The following IQANK1 variants were observed in gnomAD, a reference collection of about 807,000 sequenced individuals.
The protein encoded by IQANK1 is IQ motif and ankyrin repeat domain-containing protein 1.
A neutral mutation model predicts 22.6 loss-of-function variants in IQANK1; 30 were observed. The ratio of observed to expected loss-of-function variants is 1.33; its 90% CI spans 0.99 to 1.80. The LOEUF is 1.80. Ranked by LOEUF, IQANK1 falls within the 40% of genes most tolerant of loss-of-function variation. The pLI is 0.00. For synonymous variants in IQANK1, 122 were observed against 99.6 expected, an observed-to-expected ratio of 1.23 and a Z score of -1.34; for missense variants, 275 against 235.2, an observed-to-expected ratio of 1.17 and a Z score of -1.11.
rs1819994928 is a variant in IQANK1 at position 143,790,035 on chromosome 8, TG to T, written c.1261del (p.Val421Ter). 8.1e-7 allele frequency: 1 copy of T among 1,232,090 alleles called. No homozygotes were observed. The highest frequency in any genetic ancestry group is 1.5e-5 in the African/African-American group (1 of 64,540). The allele number at this position is 1,232,090 out of a possible 1,614,324, so 76.3% of individuals were successfully genotyped here. A position where few individuals can be genotyped will look rare whatever the true frequency, so the allele number is the denominator to read the frequency against. The stretch of plus-strand genomic sequence containing the variant: ...AGCTGCACGATGTGCTGATGAAAGA[TG>T]TAGGCAACCGCATCCGTGCCGATGG... ...TELHDVLMKD[V>X]GNRIRADGRW... is the part of the protein sequence containing the mutation. On this transcript the variant is annotated frameshift_variant, in exon 12 of 14. Coordinates refer to ENST00000527139, the MANE Select transcript of IQANK1 (RefSeq NM_001381874.1). LOFTEE classifies it high-confidence loss of function.
chr8:143,738,809 A>T (rs996215474), intron 2 of IQANK1, among the ~76,000 whole-genome samples: 1 of 152,074 alleles, frequency 6.6e-6, no homozygotes, highest in African/African-American at 2.4e-5. Flanking sequence ...CAGGGCCCAG[A>T]CCCTCCCTGG....
rs71520546 is a variant in IQANK1, at chr8:143,771,254, G to A, written c.176-234G>A. Among the ~76,000 whole-genome samples, 1,843 of 152,260 alleles carry A rather than the reference G, an allele frequency of 0.012. 16 individuals are homozygous for A. The highest frequency in any genetic ancestry group is 0.018 in the Non-Finnish European group (1,238 of 67,992). Reference sequence around the variant, plus strand: ...GGCTCGCAGGATCCCCGGCGGCGTGGGGCGGGGGAGGTTCCCGCAGACCTG... The same window carrying A: ...GGCTCGCAGGATCCCCGGCGGCGTGAGGCGGGGGAGGTTCCCGCAGACCTG... On this transcript the variant is annotated intron_variant, in intron 3 of 13. Transcript: ENST00000527139. The surrounding 1 kb of genome is among the most constrained non-coding windows in gnomAD (Gnocchi z 6.0).
intron 1 of IQANK1, among the ~76,000 whole-genome samples, chr8:143,734,520 C>G (rs1002298632): frequency 6.6e-5 from 10 of 151,508 alleles, no homozygotes; most frequent in Non-Finnish European, 1.3e-4. Flanking sequence ...ACCTGTGCCT[C>G]ATGTACACCA....
intron 2 of IQANK1, 136 bp from the exon 3 acceptor site, chr8:143,739,719 TTCCC>T: frequency 1.7e-6 from 1 of 574,346 alleles, no homozygotes. Context: ...GTCCGTGTGC[TTCCC>T]TCGGGAGGAG....
Position 143,774,990 on chromosome 8 carries a change from G to A in IQANK1, c.789+2508G>A, listed in dbSNP as rs1388863710. ...GGATGGGAGTGGGGGCAGGAAAAGC[G>A]GGGAGAGATGGGGCCGACTGGGCAG... On this transcript the variant is annotated intron_variant, in intron 7 of 13. Coordinates refer to ENST00000527139, the MANE Select transcript of IQANK1 (RefSeq NM_001381874.1). The surrounding 1 kb of genome is among the most constrained non-coding windows in gnomAD (Gnocchi z 4.2). 1.3e-5 allele frequency among the ~76,000 whole-genome samples: 2 copies of A among 152,164 alleles called. No homozygotes were observed. The highest frequency in any genetic ancestry group is 2.9e-5 in the Non-Finnish European group (2 of 68,034).
intron 3 of IQANK1, among the ~76,000 whole-genome samples, chr8:143,751,305 T>A (rs1270838631): frequency 6.6e-6 from 1 of 151,962 alleles, no homozygotes; most frequent in Non-Finnish European, 1.5e-5. Context: ...TTTAAATAAT[T>A]TAAAAATAAT....
chr8:143,768,367 G>A (rs1554629407), intron 3 of IQANK1, among the ~76,000 whole-genome samples: 1 of 152,014 alleles, frequency 6.6e-6, no homozygotes, highest in Non-Finnish European at 1.5e-5. Flanking sequence ...CGATCACTTA[G>A]TGGGGGGGTT....
At chr8:143,749,422 A>T (rs1293260345) in intron 3 of IQANK1, among the ~76,000 whole-genome samples, 8 of 129,554 alleles carry the variant, frequency 6.2e-5, no homozygotes, top group Middle Eastern at 3.9e-3. Flanking sequence ...TATAATATAT[A>T]CATATATCTC....
rs192093540 is a variant in IQANK1, at chr8:143,790,142, C to A, written c.1295C>A (p.Pro432His). Residue 432 changes from proline (P) to histidine (H), a missense_variant, in exon 13 of 14, where the codon CCT (proline) becomes CAT (histidine). Pro to His is a moderately conservative substitution (Grantham distance 77, BLOSUM62 -2). Coordinates refer to ENST00000527139, the MANE Select transcript of IQANK1 (RefSeq NM_001381874.1). ...GACCTGATGGGTGTCCCCAGGTGGC[C>A]TCTTGTTATTGACCCTTTGGGCCAG... is the stretch of plus-strand genomic sequence containing the variant. Reference protein sequence around the residue: ...GNRIRADGRWPLVIDPLGQAA... With the variant: ...GNRIRADGRWHLVIDPLGQAA... 4.2e-5 allele frequency: 52 copies of A among 1,232,072 alleles called. 1 individual carries two copies. In the East Asian group the frequency reaches 1.0e-3, roughly 24 times the overall value. The allele number at this position is 1,232,072 out of a possible 1,614,324, so 76.3% of individuals were successfully genotyped here.
intron 3 of IQANK1, chr8:143,744,305 A>C (rs144256522): frequency 6.5e-6 from 1 of 153,268 alleles, no homozygotes; most frequent in African/African-American, 2.4e-5. Context: ...GGAGGTGGAC[A>C]TCTTTGGGGG....
intron 7 of IQANK1, among the ~76,000 whole-genome samples, chr8:143,777,835 G>A (rs1410668553): frequency 6.6e-6 from 1 of 152,082 alleles, no homozygotes; most frequent in Non-Finnish European, 1.5e-5. Context: ...AACAGCAAAT[G>A]GTAGATTTTA....
intron 2 of IQANK1, among the ~76,000 whole-genome samples, chr8:143,737,724 C>T (rs920445188): frequency 1.3e-5 from 2 of 152,178 alleles, no homozygotes; most frequent in African/African-American, 2.4e-5. Flanking sequence ...AGCCCCTCCA[C>T]GTGTACCCAG....
chr8:143,782,871 G>C (rs1819822207), intron 7 of IQANK1, among the ~76,000 whole-genome samples: 1 of 152,074 alleles, frequency 6.6e-6, no homozygotes, highest in African/African-American at 2.4e-5. Flanking sequence ...CTAAACATGA[G>C]TGCCTAAATA....
chr8:143,789,090 GAGGGGTGCTGGCA>G (rs1238051033), intron 8 of IQANK1, 27 bp downstream of exon 8: 11 of 401,508 alleles, frequency 2.7e-5, no homozygotes, highest in South Asian at 1.2e-4. Flanking sequence ...AGGTGCTGGC[GAGGGGTGCTGGCA>G]AGGGGCGCTG....
intron 3 of IQANK1, among the ~76,000 whole-genome samples, chr8:143,770,078 G>C (rs1233102122): frequency 6.6e-6 from 1 of 152,202 alleles, no homozygotes; most frequent in African/African-American, 2.4e-5. Context: ...CTGCATCCTG[G>C]GTGACAGAGT....
Position 143,763,197 on chromosome 8 carries a change from T to G in IQANK1, c.176-8291T>G, listed in dbSNP as rs183392213. Among the ~76,000 whole-genome samples, 885 of 152,058 alleles carry G rather than the reference T, an allele frequency of 5.8e-3. 3 individuals are homozygous for G. Among genetic ancestry groups the G allele is most frequent in the Non-Finnish European group, 8.1e-3 (553 of 67,964 alleles). ...CGCCTGGCTAATTTTTGTATTTTTATTAGAGACGGGGTTTCACCATGTCAG... is the reference window on the plus strand; with the variant it reads ...CGCCTGGCTAATTTTTGTATTTTTAGTAGAGACGGGGTTTCACCATGTCAG... On this transcript the variant is annotated intron_variant, in intron 3 of 13. Transcript: ENST00000527139.
chr8:143,762,966 T>TCTTTC (rs1210538381), intron 3 of IQANK1, among the ~76,000 whole-genome samples: 15 of 150,088 alleles, frequency 1.0e-4, no homozygotes, highest in South Asian at 2.1e-4. Context: ...TCTTTTCTTT[T>TCTTTC]CTTTCCTTTC....
At position 143,771,338 on chromosome 8, in the gene IQANK1, A is replaced by G. The variant is rs1554629720; in HGVS notation, c.176-150A>G. ...TCCTCGTGCGGCCTCTGCGGGCGGG[A>G]ACCCCGGCTCGGCCGCGCTGGGGGC... On this transcript the variant is annotated intron_variant, in intron 3 of 13. Transcript: ENST00000527139. The surrounding 1 kb of genome is among the most constrained non-coding windows in gnomAD (Gnocchi z 6.0). 1 of 370,896 alleles carries G rather than the reference A, an allele frequency of 2.7e-6. No individual in the cohort carries two copies. The highest frequency in any genetic ancestry group is 4.7e-6 in the Non-Finnish European group (1 of 214,852). The allele number at this position is 370,896 out of a possible 1,614,324, so 23.0% of individuals were successfully genotyped here. A position where few individuals can be genotyped will look rare whatever the true frequency, so the allele number is the denominator to read the frequency against.
chr8:143,777,127 GACAC>G (rs2129925848), intron 7 of IQANK1, among the ~76,000 whole-genome samples: 1 of 148,112 alleles, frequency 6.8e-6, no homozygotes, highest in South Asian at 2.2e-4. Flanking sequence ...CCCTATATAA[GACAC>G]ACACATATAT....
Sources: gnomAD v4.1 joint callset for allele counts (sites outside exome capture counted in the v4.1 genomes callset) on GRCh38, gnomAD v4.1.1 for gene constraint, Gnocchi (gnomAD v3.1) non-coding constraint, MANE v1.5 for transcripts, NCBI Gene and HGNC (gene_info 2026-07-23, HGNC 2026-07-21) for gene names.